Variants in MCUB observed in about 807,000 individuals in gnomAD.
MCUB encodes the protein calcium uniporter regulatory subunit MCUb, mitochondrial.
MCUB carries 46 observed loss-of-function variants against 41.4 expected under a neutral mutation model. The observed-to-expected ratio is 1.11, with a 90% CI of 0.88 to 1.42. The LOEUF is 1.42. MCUB is among the 40% of genes most tolerant of loss of function. The probability of loss-of-function intolerance (pLI) is 0.00; values close to 1 mark genes in which losing one functional copy is unlikely to be tolerated. For synonymous variants in MCUB, 148 were observed against 148.2 expected, an observed-to-expected ratio of 1.00 and a Z score of 0.01; for missense variants, 403 against 404.9, an observed-to-expected ratio of 1.00 and a Z score of 0.04.
At chr4:109,574,151 G>A (rs1235781962) in intron 1 of MCUB, among the ~76,000 whole-genome samples, 1 of 152,022 alleles carries the variant, frequency 6.6e-6, no homozygotes, top group Non-Finnish European at 1.5e-5. Context: ...CACTGTGCCC[G>A]ACTGGGGCTG....
chr4:109,625,872 C>A lies in MCUB; in HGVS notation c.100-33139C>A, dbSNP rs145903294. Among the ~76,000 whole-genome samples, 489 of 152,220 alleles carry A rather than the reference C, an allele frequency of 3.2e-3. 2 individuals are homozygous for A. The highest frequency in any genetic ancestry group is 0.011 in the African/African-American group (464 of 41,548). ...GTATACAGTAGTCAGAAAATTATTT[C>A]TTTAGGTTGTCTTAAATTATCTGCA... On this transcript the variant is annotated intron_variant, in intron 1 of 7. Transcript: ENST00000394650.
intron 1 of MCUB, among the ~76,000 whole-genome samples, chr4:109,579,063 C>T (rs535658002): frequency 1.3e-5 from 2 of 152,194 alleles, no homozygotes; most frequent in Non-Finnish European, 2.9e-5. Context: ...ATACACTATA[C>T]AGGGCATTGG....
rs115026356 is a variant in MCUB, at chr4:109,607,668, G to A, written c.99+47232G>A. On this transcript the variant is annotated intron_variant, in intron 1 of 7. Transcript: ENST00000394650. Reference sequence around the variant, plus strand: ...TTTTCACTGGATATGCTATTCTAGGGTTAAAAGTTTTTTTTCCTTCAGCAC... The same window carrying A: ...TTTTCACTGGATATGCTATTCTAGGATTAAAAGTTTTTTTTCCTTCAGCAC... Among the ~76,000 whole-genome samples the A allele has an allele frequency of 7.2e-3, 1,096 of 152,212 alleles. 18 individuals carry two copies. Among genetic ancestry groups the A allele is most frequent in the African/African-American group, 0.024 (998 of 41,520 alleles).
Position 109,653,373 on chromosome 4 carries a change from C to T in MCUB, c.100-5638C>T, listed in dbSNP as rs1336507668. 6.8e-5 allele frequency among the ~76,000 whole-genome samples: 10 copies of T among 147,994 alleles called. No homozygotes were observed. The East Asian group carries it at 1.8e-3, about 27-fold the overall frequency. ...CAGCCTGGGGGACAGAGCAAGACCCCGTCTTAAGAAAAAAAAAAAAAGAAA... is the reference window on the plus strand; with the variant it reads ...CAGCCTGGGGGACAGAGCAAGACCCTGTCTTAAGAAAAAAAAAAAAAGAAA... On this transcript the variant is annotated intron_variant, in intron 1 of 7. Coordinates refer to ENST00000394650, the MANE Select transcript of MCUB (RefSeq NM_017918.5).
chr4:109,631,591 T>C (rs1318472265), intron 1 of MCUB, among the ~76,000 whole-genome samples: 1 of 152,088 alleles, frequency 6.6e-6, no homozygotes, highest in African/African-American at 2.4e-5. Context: ...GGAAGTATAG[T>C]TTCAGTTATT....
intron 7 of MCUB, 50 bp from the exon 8 acceptor site, chr4:109,687,465 G>C: frequency 8.0e-7 from 1 of 1,251,540 alleles, no homozygotes. Flanking sequence ...AGTAATGTTG[G>C]TATGTTTCTC....
chr4:109,593,523 C>G lies in MCUB; in HGVS notation c.99+33087C>G, dbSNP rs1727487200. Among the ~76,000 whole-genome samples, 4 of 152,166 alleles carry G rather than the reference C, an allele frequency of 2.6e-5. No individual in the cohort carries two copies. In the South Asian group the frequency reaches 8.3e-4, roughly 32 times the overall value. On this transcript the variant is annotated intron_variant, in intron 1 of 7. Transcript: ENST00000394650. ...GGGCCTTCTGAAAAGTGTGTCCATT[C>G]CTTTCTGTATCTGCATGTATGATGA...
chr4:109,685,953 T>C (rs1729827996), intron 7 of MCUB, among the ~76,000 whole-genome samples: 1 of 152,210 alleles, frequency 6.6e-6, no homozygotes, highest in Non-Finnish European at 1.5e-5. Context: ...AGCACATCAC[T>C]GGATTTTTCA....
In MCUB at chr4:109,639,907, T is replaced by C. The variant is rs1728676799; in HGVS notation, c.100-19104T>C. On this transcript the variant is annotated intron_variant, in intron 1 of 7. Coordinates refer to ENST00000394650, the MANE Select transcript of MCUB (RefSeq NM_017918.5). ...CAACACAGCGTTATTAGCCTGTCCT[T>C]TGAAGCTTTGAAGCCTTGAAGTCAG... Among the ~76,000 whole-genome samples, 3 of 152,186 alleles carry C rather than the reference T, an allele frequency of 2.0e-5. No individual in the cohort carries two copies. In the South Asian group the frequency reaches 6.2e-4, roughly 31 times the overall value.
chr4:109,585,144 A>G (rs910554583), intron 1 of MCUB, among the ~76,000 whole-genome samples: 2 of 152,128 alleles, frequency 1.3e-5, no homozygotes, highest in Non-Finnish European at 2.9e-5. Flanking sequence ...TATTGGGTGC[A>G]TATATATTTA....
At chr4:109,588,587 C>T (rs1202990120) in intron 1 of MCUB, among the ~76,000 whole-genome samples, 2 of 152,188 alleles carry the variant, frequency 1.3e-5, no homozygotes. Context: ...TTTGCTGCCA[C>T]TCTCACCCCC....
chr4:109,652,168 G>T (rs1459565291), intron 1 of MCUB, among the ~76,000 whole-genome samples: 1 of 152,096 alleles, frequency 6.6e-6, no homozygotes, highest in South Asian at 2.1e-4. Context: ...TCGGATTAGG[G>T]CCTATACTAA....
At chr4:109,619,804 AATAGTT>A (rs995582873) in intron 1 of MCUB, among the ~76,000 whole-genome samples, 1 of 152,162 alleles carries the variant, frequency 6.6e-6, no homozygotes, top group Admixed American at 6.5e-5. Flanking sequence ...TTATAATAAT[AATAGTT>A]ATAGTAAAGT....
intron 1 of MCUB, among the ~76,000 whole-genome samples, chr4:109,615,916 T>A (rs1728116326): frequency 6.6e-6 from 1 of 152,170 alleles, no homozygotes; most frequent in Non-Finnish European, 1.5e-5. Flanking sequence ...GTCAGTTACA[T>A]CAGTGCTGGC....
chr4:109,629,556 A>G (rs1055957155), intron 1 of MCUB, among the ~76,000 whole-genome samples: 1 of 152,160 alleles, frequency 6.6e-6, no homozygotes, highest in Admixed American at 6.5e-5. Flanking sequence ...TAGTTGTTTT[A>G]CCTATGCTGC....
At chr4:109,587,636 T>C (rs1223428525) in intron 1 of MCUB, among the ~76,000 whole-genome samples, 1 of 152,212 alleles carries the variant, frequency 6.6e-6, no homozygotes, top group Non-Finnish European at 1.5e-5. Context: ...CTTTTACAGG[T>C]TTGAAACAAG....
chr4:109,631,799 C>T (rs1482516193), intron 1 of MCUB, among the ~76,000 whole-genome samples: 3 of 152,146 alleles, frequency 2.0e-5, no homozygotes, highest in Non-Finnish European at 4.4e-5. Context: ...CTTTATTCAG[C>T]CCAGGGGTCC....
intron 4 of MCUB, among the ~76,000 whole-genome samples, chr4:109,674,554 T>C (rs1290458443): frequency 1.3e-5 from 2 of 152,256 alleles, no homozygotes; most frequent in Non-Finnish European, 2.9e-5. Context: ...TGGCTGACTC[T>C]GTTAGAACTC....
intron 1 of MCUB, among the ~76,000 whole-genome samples, chr4:109,581,418 C>T (rs1299534487): frequency 6.6e-6 from 1 of 152,098 alleles, no homozygotes; most frequent in African/African-American, 2.4e-5. Context: ...AGACCTAAAA[C>T]CATAAAAACC....
Sources: allele counts gnomAD v4.1 joint callset (sites outside exome capture counted in the v4.1 genomes callset), GRCh38; gene constraint gnomAD v4.1.1; transcripts MANE v1.5; gene names NCBI Gene and HGNC (gene_info 2026-07-23, HGNC 2026-07-21).